ITPRID2: variants seen among roughly 807,000 people sequenced by gnomAD.
ITPRID2 encodes ITPR interacting domain containing 2, also known as protein ITPRID2.
A neutral mutation model predicts 124.3 loss-of-function variants in ITPRID2; 60 were observed. The observed-to-expected ratio is 0.48, with a 90% CI of 0.39 to 0.60. ITPRID2 has a LOEUF of 0.60. Among genes scored for constraint, ITPRID2 ranks in the 20% least tolerant of loss-of-function variants. ITPRID2 has a pLI of 0.00. For synonymous variants in ITPRID2, 521 were observed against 542.9 expected (o/e 0.96, Z 0.56); for missense variants, 1,553 against 1,512.2 (o/e 1.03, Z -0.45).
At chr2:181,922,593 C>T (rs1230407870) in intron 16 of ITPRID2, among the ~76,000 whole-genome samples, 181 bp downstream of exon 16, 1 of 152,136 alleles carries the variant, frequency 6.6e-6, no homozygotes, top group Non-Finnish European at 1.5e-5. Context: ...TTTGTAATGG[C>T]ATTTCTGCAA....
chr2:181,929,650 C>G lies in ITPRID2; in HGVS notation c.*103C>G, dbSNP rs1246516789. The G allele has an allele frequency of 6.2e-7, 1 of 1,609,012 alleles. No homozygotes were observed. The highest frequency in any genetic ancestry group is 1.1e-5 in the South Asian group (1 of 90,894). On this transcript the variant is annotated 3_prime_UTR_variant, in exon 18 of 18. Coordinates refer to ENST00000431877, the MANE Select transcript of ITPRID2 (RefSeq NM_001130445.3). ...TTATTTGTGCTTTAGAAGATACTTG[C>G]TGTTGAGCTGGGCTACTGTATACAG...
chr2:181,899,906 T>C (rs1303835152), intron 6 of ITPRID2, among the ~76,000 whole-genome samples: 3 of 152,236 alleles, frequency 2.0e-5, no homozygotes, highest in African/African-American at 7.2e-5. Flanking sequence ...CATCAGTGCA[T>C]GTGCCTATGG....
Position 181,907,389 on chromosome 2 carries a change from T to C in ITPRID2, c.1414-2510T>C, listed in dbSNP as rs373729415. Among the ~76,000 whole-genome samples the C allele has an allele frequency of 6.6e-6, 1 of 152,182 alleles. No homozygotes were observed. The highest frequency in any genetic ancestry group is 2.4e-5 in the African/African-American group (1 of 41,456). ...TGTGTGGGTTATTCTAAAGCTGTTT[T>C]TCATCTTTGAATCCCAAAACATTGA... On this transcript the variant is annotated intron_variant, in intron 8 of 17. Coordinates refer to ENST00000431877, the MANE Select transcript of ITPRID2 (RefSeq NM_001130445.3). This position sits in a 1 kb window ranked among gnomAD's most constrained non-coding sequence, Gnocchi z 5.1.
chr2:181,907,854 A>G lies in ITPRID2; in HGVS notation c.1414-2045A>G, dbSNP rs1239263782. Among the ~76,000 whole-genome samples the G allele has an allele frequency of 6.6e-6, 1 of 152,214 alleles. No homozygotes were observed. Among genetic ancestry groups the G allele is most frequent in the African/African-American group, 2.4e-5 (1 of 41,460 alleles). On this transcript the variant is annotated intron_variant, in intron 8 of 17. Coordinates refer to ENST00000431877, the MANE Select transcript of ITPRID2 (RefSeq NM_001130445.3). The surrounding 1 kb of genome is among the most constrained non-coding windows in gnomAD (Gnocchi z 5.1). ...TGCTGAGTAAACAAGAAGAATCCCA[A>G]CTTTAGTTTTATTAGTAAAATGTGA... is the stretch of plus-strand genomic sequence containing the variant.
Position 181,899,236 on chromosome 2 carries a change from C to G in ITPRID2, c.503+124C>G. ...CAGAAAGAACACAAAAAGAGCGTTT[C>G]CTGTACCAGCACAACTGATAGGAGC... On this transcript the variant is annotated intron_variant, in intron 6 of 17. Coordinates refer to ENST00000431877, the MANE Select transcript of ITPRID2 (RefSeq NM_001130445.3). 8.8e-6 allele frequency: 6 copies of G among 679,336 alleles called. No homozygotes were observed. The South Asian group carries it at 1.1e-4, about 12-fold the overall frequency. The allele number at this position is 679,336 out of a possible 1,614,324, so 42.1% of individuals were successfully genotyped here. A position where few individuals can be genotyped will look rare whatever the true frequency, so the allele number is the denominator to read the frequency against.
Position 181,922,429 on chromosome 2 carries a change from TTTCA to T in ITPRID2, c.3675+24_3675+27del. The T allele has an allele frequency of 1.9e-6, 3 of 1,573,568 alleles. No homozygotes were observed. In the South Asian group the frequency reaches 3.5e-5, roughly 18 times the overall value. The stretch of plus-strand genomic sequence containing the variant: ...ATACGGGAGGTGGGTAAAATCTGTG[TTTCA>T]TTCATTTATTTGGAGGTATATGTTA... On this transcript the variant is annotated intron_variant, in intron 16 of 17. Coordinates refer to ENST00000431877, the MANE Select transcript of ITPRID2 (RefSeq NM_001130445.3).
At chr2:181,906,662 C>T (rs1276994105) in intron 8 of ITPRID2, among the ~76,000 whole-genome samples, 1 of 151,954 alleles carries the variant, frequency 6.6e-6, no homozygotes, top group Non-Finnish European at 1.5e-5. Context: ...TCACTTGAGC[C>T]CAGGCAGTTG....
intron 8 of ITPRID2, among the ~76,000 whole-genome samples, chr2:181,903,177 T>C (rs1164615998): frequency 6.6e-6 from 1 of 152,210 alleles, no homozygotes; most frequent in Non-Finnish European, 1.5e-5. Context: ...TAGTAGGAGC[T>C]GAATAGCTTG....
chr2:181,892,771 C>T lies in ITPRID2; in HGVS notation c.257+111C>T, dbSNP rs1691863437. ...TGGGTCCCGCGACCGTTGTAAGCTA[C>T]AAACCGGAAAGTGAGCCGGCGGATA... On this transcript the variant is annotated intron_variant, in intron 2 of 17. Coordinates refer to ENST00000431877, the MANE Select transcript of ITPRID2 (RefSeq NM_001130445.3). This position sits in a 1 kb window ranked among gnomAD's most constrained non-coding sequence, Gnocchi z 5.2. The T allele has an allele frequency of 7.5e-7, 1 of 1,325,812 alleles. No individual in the cohort carries two copies. The highest frequency in any genetic ancestry group is 1.9e-5 in the Admixed American group (1 of 53,886). 82.1% of individuals were successfully genotyped at this position (1,325,812 alleles called of 1,614,324 possible).
At chr2:181,913,822 T>C (rs1301240688) in intron 9 of ITPRID2, 23 bp from the exon 10 acceptor site, 11 of 1,579,270 alleles carry the variant, frequency 7.0e-6, no homozygotes, top group Admixed American at 3.6e-5. Context: ...CTGTTTCTTA[T>C]AGCCACATTT....
Position 181,896,725 on chromosome 2 carries a change from T to TAAAGTA in ITPRID2, c.308-178_308-173dup, listed in dbSNP as rs1407791846. ...TGCTGGAAAAGTGGTTTCTTTACGTTAAAGTAAAAGCTTATACCTGCTTCT... is the reference window on the plus strand; with the variant it reads ...TGCTGGAAAAGTGGTTTCTTTACGTTAAAGTAAAAGTAAAAGCTTATACCTGCTTCT... On this transcript the variant is annotated intron_variant, in intron 3 of 17. Transcript: ENST00000431877. This position sits in a 1 kb window ranked among gnomAD's most constrained non-coding sequence, Gnocchi z 4.3. Among the ~76,000 whole-genome samples, 4 of 152,024 alleles carry TAAAGTA rather than the reference T, an allele frequency of 2.6e-5. No individual in the cohort carries two copies. In the East Asian group the frequency reaches 7.7e-4, roughly 29 times the overall value.
At chr2:181,921,924 A>G (rs1479299318) in intron 15 of ITPRID2, 24 bp from the exon 16 acceptor site, 3 of 1,591,218 alleles carry the variant, frequency 1.9e-6, no homozygotes, top group South Asian at 1.1e-5. Context: ...AGAGAGAAGA[A>G]TAACATTTTT....
intron 15 of ITPRID2, among the ~76,000 whole-genome samples, chr2:181,921,449 G>T (rs1187287670): frequency 3.9e-5 from 6 of 151,986 alleles, no homozygotes; most frequent in Non-Finnish European, 8.8e-5. Flanking sequence ...TTGCACTCCA[G>T]CCTGGGTGAC....
At position 181,910,282 on chromosome 2, in the gene ITPRID2, C is replaced by T. The variant is rs1167071487; in HGVS notation, c.1486+311C>T. ...TGATAGAGCAATGGATTAAGACTAC[C>T]TTTTACATTGTTATGACTGAAAAAT... On this transcript the variant is annotated intron_variant, in intron 9 of 17. Transcript: ENST00000431877. The surrounding 1 kb of genome is among the most constrained non-coding windows in gnomAD (Gnocchi z 4.1). Among the ~76,000 whole-genome samples the T allele has an allele frequency of 6.6e-6, 1 of 152,072 alleles. No homozygotes were observed. Among genetic ancestry groups the T allele is most frequent in the South Asian group, 2.1e-4 (1 of 4,814 alleles).
rs781531744 is a variant in ITPRID2, at chr2:181,922,193, G to A, written c.3456G>A (p.Ser1152=). Residue 1152 remains serine (S), a synonymous_variant, in exon 16 of 18, where the codon TCG becomes TCA. Coordinates refer to ENST00000431877, the MANE Select transcript of ITPRID2 (RefSeq NM_001130445.3). ...LVARKKVFRA[S]VALTPTAPSR... is the part of the protein sequence containing the mutation. ...CAAGGAAGAAAGTGTTCCGAGCATC[G>A]GTGGCTCTAACGCCAACAGCTCCTT... 2.3e-5 allele frequency: 37 copies of A among 1,614,188 alleles called. No homozygotes were observed. In the East Asian group the frequency reaches 2.9e-4, roughly 13 times the overall value.
rs1326948054 is a variant in ITPRID2, at chr2:181,892,483, C to T, written c.212-132C>T. 13 of 1,263,514 alleles carry T rather than the reference C, an allele frequency of 1.0e-5. No individual in the cohort carries two copies. In the Middle Eastern group the frequency reaches 5.6e-4, roughly 55 times the overall value. The allele number at this position is 1,263,514 out of a possible 1,614,324, so 78.3% of individuals were successfully genotyped here. On this transcript the variant is annotated intron_variant, in intron 1 of 17. Coordinates refer to ENST00000431877, the MANE Select transcript of ITPRID2 (RefSeq NM_001130445.3). The surrounding 1 kb of genome is among the most constrained non-coding windows in gnomAD (Gnocchi z 5.2). ...ACTGGGTGCCATCCGATTTCCCTGC[C>T]AAGGGACACTGAGACGTGTCGCTTA...
chr2:181,899,655 G>A (rs1692497287), intron 6 of ITPRID2, among the ~76,000 whole-genome samples: 1 of 152,130 alleles, frequency 6.6e-6, no homozygotes, highest in Non-Finnish European at 1.5e-5. Flanking sequence ...GAGCAATATG[G>A]GGAAACGGCG....
Position 181,892,549 on chromosome 2 carries a change from C to T in ITPRID2, c.212-66C>T, listed in dbSNP as rs1343167715. On this transcript the variant is annotated intron_variant, in intron 1 of 17. Coordinates refer to ENST00000431877, the MANE Select transcript of ITPRID2 (RefSeq NM_001130445.3). This position sits in a 1 kb window ranked among gnomAD's most constrained non-coding sequence, Gnocchi z 5.2. ...GGTAGATTTTCCTACTTGGGAGGGTCCAGGGTGACTCCGCCGTCGTAGTGC... is the reference window on the plus strand; with the variant it reads ...GGTAGATTTTCCTACTTGGGAGGGTTCAGGGTGACTCCGCCGTCGTAGTGC... The T allele has an allele frequency of 6.3e-7, 1 of 1,596,696 alleles. No individual in the cohort carries two copies. Among genetic ancestry groups the T allele is most frequent in the African/African-American group, 1.3e-5 (1 of 74,516 alleles).
chr2:181,921,033 A>ATT (rs1694439570), intron 15 of ITPRID2, among the ~76,000 whole-genome samples: 1 of 152,156 alleles, frequency 6.6e-6, no homozygotes, highest in Admixed American at 6.5e-5. Flanking sequence ...AAAATTTAAA[A>ATT]ATCAGCCAGG....
Sources: allele counts gnomAD v4.1 joint callset (sites outside exome capture counted in the v4.1 genomes callset), GRCh38; gene constraint gnomAD v4.1.1; non-coding constraint Gnocchi (gnomAD v3.1); transcripts MANE v1.5; gene names NCBI Gene and HGNC (gene_info 2026-07-23, HGNC 2026-07-21).